Variants in ZBTB25 observed in about 807,000 individuals in gnomAD.
The protein encoded by ZBTB25 is zinc finger and BTB domain-containing protein 25.
ZBTB25 carries 20 observed loss-of-function variants against 34.2 expected under a neutral mutation model. The ratio of observed to expected loss-of-function variants is 0.58; its 90% CI spans 0.41 to 0.85. The LOEUF is 0.85. ZBTB25 is among the 40% of genes least tolerant of loss of function. ZBTB25 has a pLI of 0.00. For synonymous variants in ZBTB25, 175 were observed against 186.4 expected (o/e 0.94, Z 0.50); for missense variants, 437 against 521.8 (o/e 0.84, Z 1.58).
intron 1 of ZBTB25, among the ~76,000 whole-genome samples, chr14:64,495,685 A>G (rs1333333895): frequency 6.6e-6 from 1 of 152,240 alleles, no homozygotes; most frequent in Non-Finnish European, 1.5e-5. Context: ...AGCTGGGCGT[A>G]GTGGCTCATG....
intron 2 of ZBTB25, among the ~76,000 whole-genome samples, chr14:64,452,363 A>T (rs1370410303): frequency 6.6e-6 from 1 of 152,212 alleles, no homozygotes. Flanking sequence ...TATATTGCCT[A>T]ATTTTTGTAA....
At chr14:64,458,508 T>G (rs1596574077) in intron 2 of ZBTB25, 2 of 602,006 alleles carry the variant, frequency 3.3e-6, no homozygotes, top group Middle Eastern at 4.6e-4. Flanking sequence ...CAACACATTT[T>G]TGGAAGAAGC....
rs2079120035 is a variant in ZBTB25 at position 64,492,547 on chromosome 14, A to C, written c.-7-2007T>G. 2.0e-5 allele frequency among the ~76,000 whole-genome samples: 3 copies of C among 152,078 alleles called. No homozygotes were observed. In the South Asian group the frequency reaches 6.2e-4, roughly 32 times the overall value. On this transcript the variant is annotated intron_variant, in intron 1 of 2. Coordinates refer to ENST00000608382, the MANE Select transcript of ZBTB25 (RefSeq NM_006977.5). Reference sequence around the variant, plus strand: ...TCAGCATGTGAAAAACGTGTCTTAGAATCAATGAAATGGTTCATATTGAAG... The same window carrying C: ...TCAGCATGTGAAAAACGTGTCTTAGCATCAATGAAATGGTTCATATTGAAG...
At chr14:64,452,127 C>T (rs1167310125) in intron 2 of ZBTB25, among the ~76,000 whole-genome samples, 1 of 152,154 alleles carries the variant, frequency 6.6e-6, no homozygotes, top group Non-Finnish European at 1.5e-5. Context: ...GAAACTCCGT[C>T]TCTACTAAAA....
rs2140988995 is a variant in ZBTB25, at chr14:64,454,733, A to G, written c.174-5095T>C. The G allele has an allele frequency of 6.2e-7, 1 of 1,613,626 alleles. No homozygotes were observed. Among genetic ancestry groups the G allele is most frequent in the Non-Finnish European group, 8.5e-7 (1 of 1,179,636 alleles). On this transcript the variant is annotated intron_variant, in intron 2 of 2. Coordinates refer to the ZBTB25 transcript ENST00000555220. ...CCCTTCTTTCCCCAGGGCTTTGGGA[A>G]TCTCCCCATCTGCATGGCTAAAACA...
intron 2 of ZBTB25, among the ~76,000 whole-genome samples, chr14:64,457,224 CT>C (rs1339699092): frequency 5.9e-5 from 9 of 152,216 alleles, no homozygotes; most frequent in African/African-American, 1.7e-4. Context: ...GGCAGCTCAG[CT>C]AGCAAGACTG....
intron 2 of ZBTB25, chr14:64,453,973 G>A: frequency 1.4e-6 from 1 of 723,796 alleles, no homozygotes; most frequent in Non-Finnish European, 2.5e-6. Context: ...TTCTCTGGGT[G>A]GCAGCCTTCT....
Position 64,453,874 on chromosome 14 carries a change from T to A in ZBTB25, c.174-4236A>T. The A allele has an allele frequency of 2.6e-6, 4 of 1,542,144 alleles. No homozygotes were observed. The South Asian group carries it at 4.5e-5, about 17-fold the overall frequency. On this transcript the variant is annotated intron_variant, in intron 2 of 2. Transcript: ENST00000555220. ...CTACACGAAGCAGGTAGATGTTTGG[T>A]TAGTTTGTCCTTTCAACTCTTTGCA... is the stretch of plus-strand genomic sequence containing the variant.
At chr14:64,488,170 C>T in intron 2 of ZBTB25, 113 bp from the exon 3 acceptor site, 1 of 1,438,164 alleles carries the variant, frequency 7.0e-7, no homozygotes. Flanking sequence ...TCGAACCTAG[C>T]AATCTGCCTT....
At chr14:64,491,881 T>C (rs1566607576) in intron 1 of ZBTB25, among the ~76,000 whole-genome samples, 2 of 152,136 alleles carry the variant, frequency 1.3e-5, no homozygotes, top group Non-Finnish European at 2.9e-5. Context: ...CGTCTAAAGA[T>C]TGGCAGTGGC....
intron 2 of ZBTB25, chr14:64,454,834 G>A (rs1472102736): frequency 6.8e-6 from 11 of 1,614,058 alleles, no homozygotes; most frequent in African/African-American, 6.7e-5. Flanking sequence ...CGACATCCGC[G>A]CCAGCGTTGG....
downstream of ZBTB25, among the ~76,000 whole-genome samples, chr14:64,477,640 C>T (rs913493539): frequency 6.6e-6 from 1 of 152,216 alleles, no homozygotes; most frequent in Non-Finnish European, 1.5e-5. Context: ...ACAGGTGTGA[C>T]TTCACTTTCT....
intron 2 of ZBTB25, chr14:64,463,578 C>T (rs552801170): frequency 6.6e-6 from 1 of 151,026 alleles, no homozygotes; most frequent in African/African-American, 2.4e-5. Context: ...ATCACTTGAG[C>T]TCAGGAGTTC....
chr14:64,453,672 G>A, intron 2 of ZBTB25: 2 of 811,996 alleles, frequency 2.5e-6, no homozygotes, highest in East Asian at 2.6e-5. Flanking sequence ...TAGGGACTCT[G>A]ACCTAGAATG....
At position 64,469,046 on chromosome 14, in the gene ZBTB25, A is replaced by G. The variant is rs149244663; in HGVS notation, c.174-19408T>C. On this transcript the variant is annotated intron_variant, in intron 2 of 2. Transcript: ENST00000555220. ...GATTTCAGTAGAACTTGGATTAGAT[A>G]ATGGGCATTCTGCTATTCAAACGGG... The G allele has an allele frequency of 1.3e-5, 21 of 1,614,058 alleles. No individual in the cohort carries two copies. Among genetic ancestry groups the G allele is most frequent in the Admixed American group, 3.3e-5 (2 of 60,010 alleles).
At position 64,479,120 on chromosome 14, in the gene ZBTB25, C is replaced by A. The variant is rs1435591147; in HGVS notation, c.*7803G>T. 6.6e-6 allele frequency: 1 copy of A among 152,156 alleles called. No individual in the cohort carries two copies. The highest frequency in any genetic ancestry group is 2.1e-4 in the South Asian group (1 of 4,830). The allele number at this position is 152,156 out of a possible 1,614,324, so 9.4% of individuals were successfully genotyped here. The stretch of plus-strand genomic sequence containing the variant: ...TTTAATTCTGAACACATCTCATACT[C>A]CAATACTTGCTCTAAACATGACTAG... On this transcript the variant is annotated 3_prime_UTR_variant, in exon 3 of 3. Transcript: ENST00000608382.
chr14:64,503,051 C>A, intron 1 of ZBTB25: 1 of 985,372 alleles, frequency 1.0e-6, no homozygotes, highest in Non-Finnish European at 1.2e-6. Flanking sequence ...TTGTGCTATG[C>A]GCTGCCTCCG....
intron 2 of ZBTB25, among the ~76,000 whole-genome samples, chr14:64,453,248 A>G (rs1450672190): frequency 1.3e-5 from 2 of 152,088 alleles, no homozygotes; most frequent in East Asian, 3.9e-4. Flanking sequence ...GGACATTTTC[A>G]CTTATAAAAT....
rs879931307 is a variant in ZBTB25, at chr14:64,478,921, G to C, written c.*8002C>G. On this transcript the variant is annotated 3_prime_UTR_variant, in exon 3 of 3. Coordinates refer to ENST00000608382, the MANE Select transcript of ZBTB25 (RefSeq NM_006977.5). ...TTATAACCTACAATCTCAATTTCAT[G>C]AAGAGACCTCTTTGGGGAGACAATT... 2.6e-4 allele frequency: 40 copies of C among 152,140 alleles called. No homozygotes were observed. The highest frequency in any genetic ancestry group is 5.9e-4 in the Admixed American group (9 of 15,278). The allele number at this position is 152,140 out of a possible 1,614,324, so 9.4% of individuals were successfully genotyped here. A position where few individuals can be genotyped will look rare whatever the true frequency, so the allele number is the denominator to read the frequency against.
Sources: allele counts gnomAD v4.1 joint callset (sites outside exome capture counted in the v4.1 genomes callset), GRCh38; gene constraint gnomAD v4.1.1; transcripts MANE v1.5; gene names NCBI Gene and HGNC (gene_info 2026-07-23, HGNC 2026-07-21).